LRFN5: variants seen among roughly 807,000 people sequenced by gnomAD.
LRFN5 encodes leucine-rich repeat and fibronectin type-III domain-containing protein 5.
Under a neutral mutation model 45.6 loss-of-function variants are expected in LRFN5, and 24 were observed. The observed-to-expected ratio is 0.53, with a 90% confidence interval of 0.38 to 0.74. LRFN5 has a LOEUF of 0.74. Among genes scored for constraint, LRFN5 ranks in the 30% least tolerant of loss-of-function variants. The probability of loss-of-function intolerance (pLI) is 0.00; values close to 1 mark genes in which losing one functional copy is unlikely to be tolerated. For synonymous variants in LRFN5, 340 were observed against 313.8 expected (o/e 1.08, Z -0.88); for missense variants, 776 against 861.5 (o/e 0.90, Z 1.24).
chr14:41,747,448 T>G (rs1884967591), intron 1 of LRFN5, among the ~76,000 whole-genome samples: 1 of 152,056 alleles, frequency 6.6e-6, no homozygotes, highest in African/African-American at 2.4e-5. Flanking sequence ...GGACAGTCTT[T>G]TTAACAAGTG....
chr14:41,841,664 A>G (rs1389779692), intron 2 of LRFN5, among the ~76,000 whole-genome samples: 1 of 151,806 alleles, frequency 6.6e-6, no homozygotes, highest in Non-Finnish European at 1.5e-5. Context: ...TTATGAATAA[A>G]GTCCTTTGAA....
At chr14:41,636,035 GA>G (rs914375244) in intron 1 of LRFN5, among the ~76,000 whole-genome samples, 68 of 152,236 alleles carry the variant, frequency 4.5e-4, no homozygotes, top group African/African-American at 1.6e-3. Context: ...TGTTAATGGG[GA>G]AAAACACCTG....
At chr14:41,756,606 A>G (rs1885397594) in intron 1 of LRFN5, among the ~76,000 whole-genome samples, 1 of 152,156 alleles carries the variant, frequency 6.6e-6, no homozygotes, top group African/African-American at 2.4e-5. Context: ...TTTCATCTCC[A>G]TCACGTCCTT....
rs1277781745 is a variant in LRFN5, at chr14:41,904,518, C to CT, written c.*346dup. 4.6e-6 allele frequency: 1 copy of CT among 219,122 alleles called. No individual in the cohort carries two copies. The highest frequency in any genetic ancestry group is 5.7e-5 in the Admixed American group (1 of 17,454). The allele number at this position is 219,122 out of a possible 1,614,324, so 13.6% of individuals were successfully genotyped here. ...GTAGAATCTTGAATAATCTATATCA[C>CT]TTTAACAAATAAATGTTTTACTATG... On this transcript the variant is annotated 3_prime_UTR_variant, in exon 6 of 6. Transcript: ENST00000298119.
At chr14:41,695,646 A>T (rs1182724462) in intron 1 of LRFN5, among the ~76,000 whole-genome samples, 1 of 151,932 alleles carries the variant, frequency 6.6e-6, no homozygotes, top group Non-Finnish European at 1.5e-5. Context: ...GGAACGACAA[A>T]GCCTGGATTA....
At chr14:41,895,469 C>CA (rs35705906) in intron 4 of LRFN5, among the ~76,000 whole-genome samples, 1 of 151,718 alleles carries the variant, frequency 6.6e-6, no homozygotes, top group Non-Finnish European at 1.5e-5. Flanking sequence ...AGTAAAAACA[C>CA]AAAAAAATTA....
chr14:41,673,369 C>A (rs1300942275), intron 1 of LRFN5, among the ~76,000 whole-genome samples: 2 of 144,826 alleles, frequency 1.4e-5, no homozygotes, highest in African/African-American at 5.2e-5. Flanking sequence ...CCCTCCCGGA[C>A]GGGGCGGCTG....
intron 2 of LRFN5, among the ~76,000 whole-genome samples, chr14:41,784,542 G>A (rs569109404): frequency 7.9e-5 from 12 of 151,836 alleles, no homozygotes; most frequent in Admixed American, 4.6e-4. Context: ...TGCTGACATA[G>A]TTTTTCTTTT....
At chr14:41,851,647 A>G (rs909126687) in intron 2 of LRFN5, among the ~76,000 whole-genome samples, 5 of 151,842 alleles carry the variant, frequency 3.3e-5, no homozygotes, top group Non-Finnish European at 7.4e-5. Context: ...AAACAAGGTT[A>G]TTTAATATAA....
chr14:41,725,746 A>C (rs1403093794), intron 1 of LRFN5, among the ~76,000 whole-genome samples: 1 of 152,184 alleles, frequency 6.6e-6, no homozygotes, highest in Non-Finnish European at 1.5e-5. Context: ...GCTTTACTTC[A>C]TGAAGTCTTT....
At chr14:41,789,889 A>G (rs1886858091) in intron 2 of LRFN5, among the ~76,000 whole-genome samples, 1 of 133,132 alleles carries the variant, frequency 7.5e-6, no homozygotes, top group African/African-American at 2.9e-5. Flanking sequence ...AACAATTTGC[A>G]TCCGAGTTTA....
chr14:41,833,756 T>C (rs1235826670), intron 2 of LRFN5, among the ~76,000 whole-genome samples: 1 of 152,212 alleles, frequency 6.6e-6, no homozygotes, highest in African/African-American at 2.4e-5. Flanking sequence ...AAATTATTTT[T>C]TCATATGATA....
chr14:41,767,166 G>A (rs79307883), intron 2 of LRFN5, 137 bp downstream of exon 2: 1 of 151,950 alleles, frequency 6.6e-6, no homozygotes, highest in East Asian at 1.9e-4. Flanking sequence ...TTTTGTTGTT[G>A]TTGTTGTTTT....
At chr14:41,823,020 A>G (rs1224896962) in intron 2 of LRFN5, among the ~76,000 whole-genome samples, 4 of 151,826 alleles carry the variant, frequency 2.6e-5, no homozygotes, top group African/African-American at 7.3e-5. Context: ...ACCCGAGTCT[A>G]TAAGTGTCAT....
At chr14:41,646,789 T>C (rs1335745776) in intron 1 of LRFN5, among the ~76,000 whole-genome samples, 2 of 152,198 alleles carry the variant, frequency 1.3e-5, no homozygotes, top group Admixed American at 1.3e-4. Flanking sequence ...TCTGTTGATA[T>C]TGGCCATGGG....
At chr14:41,871,960 C>T (rs1331150198) in intron 2 of LRFN5, among the ~76,000 whole-genome samples, 1 of 151,936 alleles carries the variant, frequency 6.6e-6, no homozygotes, top group Non-Finnish European at 1.5e-5. Context: ...ATTTTACATT[C>T]TTATAGTTAG....
chr14:41,659,133 A>C (rs1302432136), intron 1 of LRFN5, among the ~76,000 whole-genome samples: 1 of 152,066 alleles, frequency 6.6e-6, no homozygotes, highest in Non-Finnish European at 1.5e-5. Flanking sequence ...TACATTTGCC[A>C]TGGTGGTTTG....
intron 2 of LRFN5, among the ~76,000 whole-genome samples, chr14:41,821,349 G>T (rs1037978536): frequency 5.5e-4 from 83 of 151,874 alleles, no homozygotes; most frequent in African/African-American, 1.9e-3. Context: ...AATCAGGAAG[G>T]AGTGCTAAAT....
intron 2 of LRFN5, among the ~76,000 whole-genome samples, chr14:41,805,840 G>T (rs529483244): frequency 2.7e-4 from 41 of 152,240 alleles, no homozygotes; most frequent in African/African-American, 9.9e-4. Context: ...CCTCAGAGTG[G>T]TTTTCTTTTT....
Sources: allele counts gnomAD v4.1 joint callset (sites outside exome capture counted in the v4.1 genomes callset), GRCh38; gene constraint gnomAD v4.1.1; transcripts MANE v1.5; gene names NCBI Gene and HGNC (gene_info 2026-07-23, HGNC 2026-07-21).